ADGRL4: variants seen among roughly 807,000 people sequenced by gnomAD.
ADGRL4 encodes the protein adhesion G protein-coupled receptor L4.
A neutral mutation model predicts 74.8 loss-of-function variants in ADGRL4; 90 were observed. That is an observed-to-expected ratio of 1.20 (90% CI 1.02 to 1.43). The LOEUF (loss-of-function observed/expected upper bound fraction) is 1.43, where lower values mean the gene tolerates loss of function less well. Among genes scored for constraint, ADGRL4 ranks in the 40% most tolerant of loss-of-function variants. The probability of loss-of-function intolerance (pLI) is 0.00; values close to 1 mark genes in which losing one functional copy is unlikely to be tolerated. For synonymous variants in ADGRL4, 311 were observed against 279.2 expected (o/e 1.11, Z -1.14); for missense variants, 881 against 814.3 (o/e 1.08, Z -1.00).
chr1:78,969,137 T>C (rs1014851378), intron 2 of ADGRL4, among the ~76,000 whole-genome samples: 1 of 152,226 alleles, frequency 6.6e-6, no homozygotes, highest in Admixed American at 6.5e-5. Context: ...GTGAACAAAA[T>C]TTGGAGCATA....
At chr1:78,943,889 T>A (rs1432931532) in intron 3 of ADGRL4, among the ~76,000 whole-genome samples, 1 of 152,182 alleles carries the variant, frequency 6.6e-6, no homozygotes, top group Non-Finnish European at 1.5e-5. Flanking sequence ...AAGGGCTCAA[T>A]ACTGGGTATT....
At chr1:78,964,023 C>A (rs2882992) in intron 2 of ADGRL4, among the ~76,000 whole-genome samples, 150,449 of 152,300 alleles carry the variant, frequency 0.99, 74,346 homozygotes, top group Middle Eastern at 1. Flanking sequence ...CTGCTTAGGT[C>A]CGCTGAACTG....
At chr1:78,932,835 AAATTCCTGGGCACATAC>A (rs1413218065) in intron 7 of ADGRL4, among the ~76,000 whole-genome samples, 41 of 151,524 alleles carry the variant, frequency 2.7e-4, no homozygotes, top group African/African-American at 9.3e-4. Flanking sequence ...AAAAATGGAT[AAATTCCTGGGCACATAC>A]AATTTCCCAA....
At chr1:78,952,694 A>G (rs1649754792) in intron 2 of ADGRL4, among the ~76,000 whole-genome samples, 1 of 152,200 alleles carries the variant, frequency 6.6e-6, no homozygotes, top group African/African-American at 2.4e-5. Flanking sequence ...GAAATGTAAA[A>G]TTCATCAAAT....
chr1:78,954,585 A>G (rs1420414941), intron 2 of ADGRL4, among the ~76,000 whole-genome samples: 1 of 152,184 alleles, frequency 6.6e-6, no homozygotes, highest in Admixed American at 6.5e-5. Context: ...TATTTTATTA[A>G]CAATAAACAT....
chr1:78,975,749 C>T (rs1293560384), intron 2 of ADGRL4, among the ~76,000 whole-genome samples: 1 of 151,630 alleles, frequency 6.6e-6, no homozygotes, highest in Non-Finnish European at 1.5e-5. Context: ...ATATATATTT[C>T]ATAGATAATG....
At chr1:78,982,536 C>T (rs1265568133) in intron 2 of ADGRL4, among the ~76,000 whole-genome samples, 1 of 151,838 alleles carries the variant, frequency 6.6e-6, no homozygotes, top group African/African-American at 2.4e-5. Flanking sequence ...ATCCAAAGAA[C>T]TGAAACTTTT....
chr1:78,962,170 C>T (rs763926300), intron 2 of ADGRL4, among the ~76,000 whole-genome samples: 20 of 152,108 alleles, frequency 1.3e-4, no homozygotes, highest in Admixed American at 6.5e-4. Flanking sequence ...CATGAGCCAC[C>T]GGGCCCGGCC....
At chr1:78,974,093 T>C (rs964883963) in intron 2 of ADGRL4, among the ~76,000 whole-genome samples, 2 of 152,146 alleles carry the variant, frequency 1.3e-5, no homozygotes, top group African/African-American at 2.4e-5. Context: ...ATCCACTCTG[T>C]CATGTTGTCT....
intron 7 of ADGRL4, among the ~76,000 whole-genome samples, chr1:78,929,332 T>A (rs1570235462): frequency 6.6e-6 from 1 of 151,204 alleles, no homozygotes; most frequent in South Asian, 2.1e-4. Context: ...CTGGGCAATA[T>A]GGCAAAACCA....
intron 2 of ADGRL4, among the ~76,000 whole-genome samples, chr1:78,953,875 T>C (rs11808205): frequency 0.039 from 5,931 of 152,268 alleles, 153 homozygotes; most frequent in Middle Eastern, 0.058. Flanking sequence ...CCGGCCAGGC[T>C]AGGTTGCTCA....
At chr1:78,947,068 G>A (rs1453151167) in intron 2 of ADGRL4, among the ~76,000 whole-genome samples, 1 of 152,094 alleles carries the variant, frequency 6.6e-6, no homozygotes, top group African/African-American at 2.4e-5. Context: ...TTAAACATCA[G>A]AGAGCAGATT....
At chr1:78,990,609 AT>A (rs1393213560) in intron 2 of ADGRL4, among the ~76,000 whole-genome samples, 2 of 151,834 alleles carry the variant, frequency 1.3e-5, no homozygotes, top group East Asian at 1.9e-4. Flanking sequence ...TTTACTGAAA[AT>A]TTTTTTAATA....
Position 78,893,102 on chromosome 1 carries a change from T to C in ADGRL4, c.1837A>G (p.Ile613Val), listed in dbSNP as rs201793104. 79 of 1,571,874 alleles carry C rather than the reference T, an allele frequency of 5.0e-5. No individual in the cohort carries two copies. Among genetic ancestry groups the C allele is most frequent in the Non-Finnish European group, 6.7e-5 (78 of 1,160,756 alleles). Reference sequence around the variant, plus strand: ...TGAACTTAAAGACGCATTTACCTTATGTTCTCAAAGCAACTAACTTCTGGT... The same window carrying C: ...TGAACTTAAAGACGCATTTACCTTACGTTCTCAAAGCAACTAACTTCTGGT... ...LKPEVSCFEN[I>V]RSCARGALAL... is the part of the protein sequence containing the mutation. Residue 613 changes from isoleucine to valine, a missense_variant, in exon 13 of 15, where the codon ATA (isoleucine) becomes GTA (valine). By Grantham distance (29) the Ile-to-Val change is conservative. Transcript: ENST00000370742.
chr1:78,992,171 T>G (rs970883775), intron 2 of ADGRL4, among the ~76,000 whole-genome samples: 2 of 152,046 alleles, frequency 1.3e-5, no homozygotes, highest in South Asian at 4.1e-4. Context: ...TCTCCTTTCA[T>G]GGCAAATAAA....
chr1:78,984,368 CA>C (rs1467173258), intron 2 of ADGRL4, among the ~76,000 whole-genome samples: 1 of 151,446 alleles, frequency 6.6e-6, no homozygotes, highest in African/African-American at 2.4e-5. Flanking sequence ...GTTAATTATA[CA>C]AACTAAAATT....
chr1:78,921,591 A>G, intron 9 of ADGRL4, 22 bp downstream of exon 9: 1 of 1,364,500 alleles, frequency 7.3e-7, no homozygotes, highest in Non-Finnish European at 9.6e-7. Flanking sequence ...ATTTATAAAT[A>G]TGAAGGGGAA....
At chr1:79,000,074 T>C (rs1447881944) in intron 2 of ADGRL4, among the ~76,000 whole-genome samples, 2 of 152,184 alleles carry the variant, frequency 1.3e-5, no homozygotes, top group Non-Finnish European at 2.9e-5. Flanking sequence ...AAGCTGTGTG[T>C]TCATTTTTAT....
chr1:78,927,028 T>C lies in ADGRL4; in HGVS notation c.941A>G (p.Asn314Ser). ...ATAATTTTGAGGTTTCAATAAGAAGTTGTCAGATGATGAAAGCAAAGGACC... is the reference window on the plus strand; with the variant it reads ...ATAATTTTGAGGTTTCAATAAGAAGCTGTCAGATGATGAAAGCAAAGGACC... ...SIGPLLSSSD[N>S]FLLKPQNYDN... The change falls in exon 8 of 15, where the codon AAC becomes AGC. Residue 314 changes from asparagine to serine, a missense_variant. By Grantham distance (46) the Asn-to-Ser change is conservative. Coordinates refer to ENST00000370742, the MANE Select transcript of ADGRL4 (RefSeq NM_022159.4). 3 of 1,610,178 alleles carry C rather than the reference T, an allele frequency of 1.9e-6. No individual in the cohort carries two copies. The highest frequency in any genetic ancestry group is 1.7e-6 in the Non-Finnish European group (2 of 1,177,296).
Sources: gnomAD v4.1 joint callset for allele counts (sites outside exome capture counted in the v4.1 genomes callset) on GRCh38, gnomAD v4.1.1 for gene constraint, MANE v1.5 for transcripts, NCBI Gene and HGNC (gene_info 2026-07-23, HGNC 2026-07-21) for gene names.